Variants in AUTS2 observed in about 807,000 individuals in gnomAD.
AUTS2 encodes autism susceptibility gene 2 protein.
A neutral mutation model predicts 112.4 loss-of-function variants in AUTS2; 17 were observed. The observed-to-expected ratio is 0.15, with a 90% CI of 0.10 to 0.23. The LOEUF is 0.23. Among genes scored for constraint, AUTS2 ranks in the 10% least tolerant of loss-of-function variants. The pLI is 1.00. For missense variants in AUTS2, 1,510 were observed against 1,701.6 expected (o/e 0.89, Z 1.98); for synonymous variants, 751 against 702.7 (o/e 1.07, Z -1.09).
chr7:69,864,960 T>C (rs986745756), intron 1 of AUTS2, among the ~76,000 whole-genome samples: 1 of 152,212 alleles, frequency 6.6e-6, no homozygotes, highest in East Asian at 1.9e-4. Flanking sequence ...ACACACATTA[T>C]GTAAGTTTCA....
At chr7:70,405,745 G>A (rs1032801079) in intron 4 of AUTS2, among the ~76,000 whole-genome samples, 2 of 152,218 alleles carry the variant, frequency 1.3e-5, no homozygotes, top group Non-Finnish European at 2.9e-5. Flanking sequence ...GATCCTGGCA[G>A]CTGAAGGCCT....
intron 2 of AUTS2, among the ~76,000 whole-genome samples, chr7:70,086,906 CAAAGA>C (rs1803635940): frequency 6.7e-6 from 1 of 150,228 alleles, no homozygotes; most frequent in Non-Finnish European, 1.5e-5. Context: ...TTGATAATGT[CAAAGA>C]AGAGTAAATA....
chr7:70,036,271 G>T (rs970208200), intron 2 of AUTS2, among the ~76,000 whole-genome samples: 1 of 152,196 alleles, frequency 6.6e-6, no homozygotes, highest in Non-Finnish European at 1.5e-5. Context: ...CCGAGTTCAG[G>T]ATTTTGTATT....
intron 1 of AUTS2, among the ~76,000 whole-genome samples, chr7:69,771,285 T>C (rs1382681965): frequency 6.6e-6 from 1 of 152,234 alleles, no homozygotes; most frequent in Non-Finnish European, 1.5e-5. Context: ...CCTATAGCTT[T>C]AGCAGGTAAC....
At chr7:69,848,485 C>CGT (rs1160650233) in intron 1 of AUTS2, among the ~76,000 whole-genome samples, 1 of 152,078 alleles carries the variant, frequency 6.6e-6, no homozygotes, top group Non-Finnish European at 1.5e-5. Flanking sequence ...AGGGTGTGTG[C>CGT]GTGTGTGTTT....
At chr7:69,985,332 C>T (rs1300744905) in intron 2 of AUTS2, among the ~76,000 whole-genome samples, 2 of 151,904 alleles carry the variant, frequency 1.3e-5, no homozygotes, top group African/African-American at 4.8e-5. Context: ...GGTTCCATCA[C>T]TTGGCTGCCT....
In AUTS2 at chr7:70,612,685, T is replaced by C. The variant is rs138048514; in HGVS notation, c.691-85884T>C. Among the ~76,000 whole-genome samples, 463 of 152,214 alleles carry C rather than the reference T, an allele frequency of 3.0e-3. 1 individual carries two copies. The highest frequency in any genetic ancestry group is 5.5e-3 in the Non-Finnish European group (371 of 68,008). On this transcript the variant is annotated intron_variant, in intron 5 of 18. Coordinates refer to ENST00000342771, the MANE Select transcript of AUTS2 (RefSeq NM_015570.4). ...GACTAACAAATACCAAGTTTGGCAATGTATCCACCCTCACTTTTATTTGAG... is the reference window on the plus strand; with the variant it reads ...GACTAACAAATACCAAGTTTGGCAACGTATCCACCCTCACTTTTATTTGAG...
chr7:70,432,004 T>C (rs1386467649), intron 4 of AUTS2, among the ~76,000 whole-genome samples: 1 of 152,228 alleles, frequency 6.6e-6, no homozygotes, highest in African/African-American at 2.4e-5. Context: ...TGAATTCTTA[T>C]CTGTGATTGC....
intron 5 of AUTS2, among the ~76,000 whole-genome samples, chr7:70,475,304 T>C (rs187435904): frequency 1.5e-3 from 224 of 152,328 alleles, no homozygotes; most frequent in Admixed American, 5.4e-3. Flanking sequence ...TTGCCATCCT[T>C]CATGTTCAAC....
At chr7:70,268,340 A>G (rs2129608465) in intron 4 of AUTS2, among the ~76,000 whole-genome samples, 1 of 152,332 alleles carries the variant, frequency 6.6e-6, no homozygotes, top group Admixed American at 6.5e-5. Flanking sequence ...TGCTCCACAT[A>G]TCAGCCCATC....
At chr7:70,310,206 A>T (rs1183371228) in intron 4 of AUTS2, among the ~76,000 whole-genome samples, 1 of 152,034 alleles carries the variant, frequency 6.6e-6, no homozygotes, top group African/African-American at 2.4e-5. Flanking sequence ...CTAAAGACAA[A>T]CTGTGACAGT....
chr7:70,548,883 TG>T (rs1301984743), intron 5 of AUTS2, among the ~76,000 whole-genome samples: 5 of 151,924 alleles, frequency 3.3e-5, no homozygotes, highest in Non-Finnish European at 7.4e-5. Context: ...TTGTGTCCTT[TG>T]CATTTCCATA....
intron 4 of AUTS2, among the ~76,000 whole-genome samples, chr7:70,219,916 C>T (rs1007514723): frequency 1.3e-5 from 2 of 152,122 alleles, no homozygotes; most frequent in Non-Finnish European, 2.9e-5. Context: ...AATAGCCAAC[C>T]ACTTTCTTAC....
intron 1 of AUTS2, among the ~76,000 whole-genome samples, chr7:69,806,167 A>G (rs998092762): frequency 7.5e-6 from 1 of 133,522 alleles, no homozygotes; most frequent in African/African-American, 2.8e-5. Flanking sequence ...AAGTGGGATT[A>G]CAGATGGGAG....
intron 2 of AUTS2, among the ~76,000 whole-genome samples, chr7:70,004,571 C>T (rs1444979898): frequency 6.6e-6 from 1 of 150,854 alleles, no homozygotes; most frequent in East Asian, 1.9e-4. Context: ...AAAGGCAGAT[C>T]AGAAAGAGTT....
chr7:70,266,691 G>T (rs1171024554), intron 4 of AUTS2, among the ~76,000 whole-genome samples: 1 of 152,034 alleles, frequency 6.6e-6, no homozygotes, highest in South Asian at 2.1e-4. Context: ...AAATGTGGGT[G>T]TATTTTATGG....
At chr7:70,582,627 G>A (rs1019222354) in intron 5 of AUTS2, among the ~76,000 whole-genome samples, 1 of 152,210 alleles carries the variant, frequency 6.6e-6, no homozygotes, top group African/African-American at 2.4e-5. Context: ...TTAGCAGAAG[G>A]CTGCAAAGTG....
At chr7:70,597,425 G>A (rs963440491) in intron 5 of AUTS2, among the ~76,000 whole-genome samples, 1 of 152,128 alleles carries the variant, frequency 6.6e-6, no homozygotes, top group African/African-American at 2.4e-5. Flanking sequence ...TGCAGCCTGG[G>A]GTTTCTGTAT....
chr7:69,913,692 A>T (rs1481280901), intron 2 of AUTS2, among the ~76,000 whole-genome samples: 1 of 152,200 alleles, frequency 6.6e-6, no homozygotes, highest in African/African-American at 2.4e-5. Context: ...AAAAATATAC[A>T]TATGATCATA....
Sources: gnomAD v4.1 joint callset for allele counts (sites outside exome capture counted in the v4.1 genomes callset) on GRCh38, gnomAD v4.1.1 for gene constraint, MANE v1.5 for transcripts, NCBI Gene and HGNC (gene_info 2026-07-23, HGNC 2026-07-21) for gene names.